Variants in MILR1 observed in about 807,000 individuals in gnomAD.
MILR1 encodes the protein mast cell immunoglobulin like receptor 1, also known as allergin-1.
A neutral mutation model predicts 18.5 loss-of-function variants in MILR1; 31 were observed. The ratio of observed to expected loss-of-function variants is 1.68; its 90% CI spans 1.26 to 2.26. The LOEUF (loss-of-function observed/expected upper bound fraction) is 2.26, where lower values mean the gene tolerates loss of function less well. Ranked by LOEUF, MILR1 falls within the 30% of genes most tolerant of loss-of-function variation. The probability of loss-of-function intolerance (pLI) is 0.00; values close to 1 mark genes in which losing one functional copy is unlikely to be tolerated. For missense variants in MILR1, 257 were observed against 157.4 expected, an observed-to-expected ratio of 1.63 and a Z score of -3.38; for synonymous variants, 85 against 56.2, an observed-to-expected ratio of 1.51 and a Z score of -2.30.
the MILR1 span, chr17:64,485,011 G>A: frequency 6.6e-6 from 1 of 152,322 alleles, no homozygotes; most frequent in Non-Finnish European, 1.5e-5. Context: ...AGAAAATAGA[G>A]GGCATCAGTA....
At chr17:64,470,602 A>G (rs1192540480), downstream of MILR1, among the ~76,000 whole-genome samples, 2 of 152,170 alleles carry the variant, frequency 1.3e-5, no homozygotes, top group East Asian at 3.8e-4. Flanking sequence ...AAATGTCCAC[A>G]TCCCAAGGCC....
the MILR1 span, among the ~76,000 whole-genome samples, chr17:64,497,322 G>A: frequency 6.6e-6 from 1 of 152,250 alleles, no homozygotes. Context: ...CTGTTTTGCA[G>A]TCCAGAAAAT....
intron 4 of MILR1, among the ~76,000 whole-genome samples, chr17:64,459,411 C>T (rs1378876671): frequency 3.3e-5 from 5 of 151,364 alleles, no homozygotes; most frequent in Non-Finnish European, 5.9e-5. Flanking sequence ...TTCCAGCCTG[C>T]GTAACAGAGC....
At chr17:64,495,177 C>CAA in the MILR1 span, among the ~76,000 whole-genome samples, 213 of 119,076 alleles carry the variant, frequency 1.8e-3, 2 homozygotes, top group East Asian at 4.6e-3. Context: ...GACTCTGTCT[C>CAA]AAAAAAAAAA....
chr17:64,483,782 C>A, the MILR1 span, among the ~76,000 whole-genome samples: 1 of 151,400 alleles, frequency 6.6e-6, no homozygotes, highest in Non-Finnish European at 1.5e-5. Context: ...CCACTCACTG[C>A]CTCACTGCAA....
Position 64,460,809 on chromosome 17 carries a change from G to A in MILR1, c.653-13G>A, listed in dbSNP as rs1418808159. On this transcript the variant is annotated splice_polypyrimidine_tract_variant and intron_variant, in intron 4 of 9. Coordinates refer to ENST00000619286, the MANE Select transcript of MILR1 (RefSeq NM_001085423.2). ...AAATGCTATGGTCACCAATGGATGC[G>A]GTCTTCTTCCAGGCGGAGACAGCTG... 1.5e-5 allele frequency: 7 copies of A among 474,694 alleles called. No homozygotes were observed. Among genetic ancestry groups the A allele is most frequent in the South Asian group, 6.7e-5 (1 of 14,840 alleles). 29.4% of individuals were successfully genotyped at this position (474,694 alleles called of 1,614,324 possible). A position where few individuals can be genotyped will look rare whatever the true frequency, so the allele number is the denominator to read the frequency against.
intron 9 of MILR1, chr17:64,467,935 CAAAAAA>C (rs112297771): frequency 7.5e-5 from 12 of 159,068 alleles, no homozygotes; most frequent in Admixed American, 2.1e-4. Context: ...GACTTCATCT[CAAAAAA>C]AAAAAAAAAA....
In MILR1 at chr17:64,457,671, C is replaced by T. The variant is rs2037331895; in HGVS notation, c.639C>T (p.Thr213=). The part of the protein sequence containing the change: ...PNYATYSHPV[T]MPSTGGDSCP... The stretch of plus-strand genomic sequence containing the variant: ...ATGCAACATACAGTCACCCTGTCAC[C>T]ATGCCCTCAACAGGTAAGAGCAACC... Residue 213 remains threonine, a synonymous_variant, in exon 4 of 10, where the codon ACC becomes ACT. Coordinates refer to ENST00000619286, the MANE Select transcript of MILR1 (RefSeq NM_001085423.2). 1 of 474,716 alleles carries T rather than the reference C, an allele frequency of 2.1e-6. No individual in the cohort carries two copies. The allele number at this position is 474,716 out of a possible 1,614,324, so 29.4% of individuals were successfully genotyped here. A position where few individuals can be genotyped will look rare whatever the true frequency, so the allele number is the denominator to read the frequency against.
the MILR1 span, chr17:64,496,797 C>G: frequency 1.9e-6 from 3 of 1,613,914 alleles, no homozygotes; most frequent in Non-Finnish European, 2.5e-6. Context: ...CCGGGGGCTT[C>G]TGGGTGCTCG....
At chr17:64,453,183 C>A (rs1006747103) in intron 3 of MILR1, among the ~76,000 whole-genome samples, 29 of 151,970 alleles carry the variant, frequency 1.9e-4, no homozygotes, top group Non-Finnish European at 3.7e-4. Flanking sequence ...ATTCTCCTGC[C>A]TCAGCCTCCC....
the MILR1 span, chr17:64,491,572 T>C: frequency 2.6e-6 from 4 of 1,552,446 alleles, no homozygotes; most frequent in East Asian, 2.3e-5. Context: ...GAGGTCAAAC[T>C]AGGGGAGCTG....
the MILR1 span, chr17:64,493,106 T>C: frequency 2.2e-6 from 3 of 1,371,724 alleles, no homozygotes; most frequent in Non-Finnish European, 3.1e-6. Context: ...ATAGTAGTAA[T>C]AACGTTAACA....
At chr17:64,472,549 A>G (rs2037706679), downstream of MILR1, among the ~76,000 whole-genome samples, 1 of 149,370 alleles carries the variant, frequency 6.7e-6, no homozygotes, top group South Asian at 2.1e-4. Flanking sequence ...CATTTCAGTC[A>G]TTCATGGACC....
At chr17:64,490,603 T>C in the MILR1 span, 1 of 601,520 alleles carries the variant, frequency 1.7e-6, no homozygotes, top group Non-Finnish European at 3.0e-6. Context: ...TAGGGCTCTG[T>C]GGCAATAGTG....
the MILR1 span, chr17:64,496,700 G>C: frequency 6.2e-7 from 1 of 1,614,036 alleles, no homozygotes; most frequent in Non-Finnish European, 8.5e-7. Flanking sequence ...ACTCAGAAGA[G>C]AATCCCGGCT....
chr17:64,462,526 A>G (rs995887853), intron 5 of MILR1, among the ~76,000 whole-genome samples: 1 of 152,278 alleles, frequency 6.6e-6, no homozygotes, highest in Middle Eastern at 3.4e-3. Context: ...TCCCATTAGC[A>G]CAAAAGACAC....
intron 5 of MILR1, among the ~76,000 whole-genome samples, chr17:64,461,826 T>C (rs2037438460): frequency 6.6e-6 from 1 of 152,144 alleles, no homozygotes; most frequent in Non-Finnish European, 1.5e-5. Context: ...CTCCATTAGT[T>C]TGACTCCTCT....
At chr17:64,482,859 A>C in the MILR1 span, 1 of 980,396 alleles carries the variant, frequency 1.0e-6, no homozygotes, top group Non-Finnish European at 1.7e-6. Flanking sequence ...CCTGGTCCAA[A>C]GCGTTTTTGG....
chr17:64,469,450 TGC>T (rs1252777376), downstream of MILR1, among the ~76,000 whole-genome samples: 4 of 152,162 alleles, frequency 2.6e-5, no homozygotes, highest in Admixed American at 6.5e-5. Flanking sequence ...CAGGTTGGAG[TGC>T]CATGGTACGA....
Sources: gnomAD v4.1 joint callset for allele counts (sites outside exome capture counted in the v4.1 genomes callset) on GRCh38, gnomAD v4.1.1 for gene constraint, MANE v1.5 for transcripts, NCBI Gene and HGNC (gene_info 2026-07-23, HGNC 2026-07-21) for gene names.